Variants in RABGGTB observed in about 807,000 individuals in gnomAD.
The protein encoded by RABGGTB is Rab geranylgeranyltransferase subunit beta.
RABGGTB carries 20 observed loss-of-function variants against 44.5 expected under a neutral mutation model. The ratio of observed to expected loss-of-function variants is 0.45; its 90% confidence interval spans 0.32 to 0.65. The LOEUF is 0.65. Among genes scored for constraint, RABGGTB ranks in the 30% least tolerant of loss-of-function variants. The pLI is 0.05. For missense variants in RABGGTB, 302 were observed against 398.7 expected, an observed-to-expected ratio of 0.76 and a Z score of 2.06; for synonymous variants, 128 against 136.7, an observed-to-expected ratio of 0.94 and a Z score of 0.44.
intron 4 of RABGGTB, chr1:75,790,605 C>A: frequency 1.9e-6 from 1 of 515,676 alleles, no homozygotes; most frequent in South Asian, 8.5e-5. Flanking sequence ...TCTGGGCTTT[C>A]TTTAAGCAGC....
intron 4 of RABGGTB, 75 bp from the exon 5 acceptor site, chr1:75,791,210 G>T (rs1422145843): frequency 1.6e-6 from 2 of 1,219,708 alleles, no homozygotes; most frequent in Non-Finnish European, 2.4e-6. Context: ...AGTGGTAGTT[G>T]TGCAGTGTTT....
At chr1:75,792,087 TTAAG>T in intron 6 of RABGGTB, 90 bp from the exon 7 acceptor site, 1 of 1,125,760 alleles carries the variant, frequency 8.9e-7, no homozygotes, top group Non-Finnish European at 1.3e-6. Context: ...GAAGAAAAAC[TTAAG>T]ATATAAAGTG....
intron 2 of RABGGTB, 134 bp downstream of exon 2, chr1:75,787,738 C>T (rs1436084116): frequency 2.7e-6 from 2 of 742,132 alleles, no homozygotes; most frequent in African/African-American, 3.5e-5. Context: ...TGCCTTTGAA[C>T]TTCAGTTAAG....
At chr1:75,788,026 T>C in intron 2 of RABGGTB, 1 of 454,058 alleles carries the variant, frequency 2.2e-6, no homozygotes, top group Non-Finnish European at 4.4e-6. Flanking sequence ...GGGACAATCT[T>C]AGCAAAAAGT....
Position 75,794,166 on chromosome 1 carries a change from T to C in RABGGTB, c.788T>C (p.Leu263Pro). 1 of 1,613,866 alleles carries C rather than the reference T, an allele frequency of 6.2e-7. No individual in the cohort carries two copies. The highest frequency in any genetic ancestry group is 8.5e-7 in the Non-Finnish European group (1 of 1,179,804). ...CTTCATTGGATTGATAGAGAGAAACTGCGTAATTTCATTTTAGCATGTCAA... is the reference window on the plus strand; with the variant it reads ...CTTCATTGGATTGATAGAGAGAAACCGCGTAATTTCATTTTAGCATGTCAA... ...GRLHWIDREK[L>P]RNFILACQDE... is the part of the protein sequence containing the mutation. The change falls in exon 8 of 9, where the codon CTG becomes CCG. Residue 263 changes from leucine (L) to proline (P), a missense_variant. By Grantham distance (98) the Leu-to-Pro change is moderately conservative. Around this residue, in one of 2 missense-constraint regions of RABGGTB, gnomAD observed 213 missense variants for 323.7 expected, o/e 0.66. Transcript: ENST00000319942.
intron 3 of RABGGTB, 24 bp from the exon 4 acceptor site, chr1:75,789,928 A>G (rs11588643): frequency 0.27 from 413,438 of 1,521,310 alleles, 59,092 homozygotes; most frequent in Middle Eastern, 0.33. Flanking sequence ...AGGGACATTT[A>G]CCTAATACTT....
At chr1:75,790,430 A>G in intron 4 of RABGGTB, 1 of 1,110,106 alleles carries the variant, frequency 9.0e-7, no homozygotes, top group Non-Finnish European at 1.1e-6. Context: ...ATAAACGTAG[A>G]TAATCTCTGC....
intron 7 of RABGGTB, among the ~76,000 whole-genome samples, chr1:75,792,695 A>C (rs561099179): frequency 1.4e-4 from 22 of 152,316 alleles, no homozygotes; most frequent in African/African-American, 5.3e-4. Flanking sequence ...GGTCTCTCTT[A>C]TCAGGTCTGT....
At chr1:75,788,729 A>AT (rs1404752201) in intron 2 of RABGGTB, 1 of 162,522 alleles carries the variant, frequency 6.2e-6, no homozygotes, top group East Asian at 1.7e-4. Context: ...GGGCATTTTG[A>AT]TTTTTCATGT....
At chr1:75,787,182 C>G (rs774137458) in intron 1 of RABGGTB, 8 of 588,036 alleles carry the variant, frequency 1.4e-5, no homozygotes, top group South Asian at 1.2e-4. Context: ...AAGACGAAGC[C>G]TGAATGATTT....
At chr1:75,786,203 A>G (rs532027021), upstream of RABGGTB, 58 of 1,600,036 alleles carry the variant, frequency 3.6e-5, no homozygotes, top group East Asian at 1.0e-3. Context: ...TGAGAGGCGC[A>G]TCTGCGCAGG....
intron 5 of RABGGTB, 30 bp from the exon 6 acceptor site, chr1:75,791,430 AT>A (rs1649643176): frequency 1.3e-6 from 2 of 1,588,830 alleles, no homozygotes; most frequent in Non-Finnish European, 1.7e-6. Context: ...ATACTCTGGA[AT>A]TTAACAGGCA....
chr1:75,786,478 G>A (rs1207343890), intron 1 of RABGGTB, among the ~76,000 whole-genome samples: 3 of 152,110 alleles, frequency 2.0e-5, no homozygotes, highest in East Asian at 1.9e-4. Context: ...ATTTTATCCA[G>A]GCCTTCTTCT....
chr1:75,790,317 G>T, intron 4 of RABGGTB: 1 of 1,233,304 alleles, frequency 8.1e-7, no homozygotes. Context: ...GCTTTGTAAA[G>T]TTTTTTAAAA....
chr1:75,790,534 A>G, intron 4 of RABGGTB: 1 of 957,030 alleles, frequency 1.0e-6, no homozygotes, highest in Non-Finnish European at 1.2e-6. Context: ...TTATTTCATT[A>G]TTAGAAATGG....
At chr1:75,788,917 G>T (rs909979871) in intron 2 of RABGGTB, 59 of 514,254 alleles carry the variant, frequency 1.1e-4, no homozygotes, top group Non-Finnish European at 1.9e-4. Flanking sequence ...TGTTTGTATT[G>T]TCAGCCATAG....
intron 1 of RABGGTB, chr1:75,786,733 G>C (rs1234273197): frequency 1.1e-5 from 3 of 279,374 alleles, no homozygotes; most frequent in Admixed American, 5.2e-5. Flanking sequence ...GGAAGATATA[G>C]ATACGAAAAG....
Position 75,791,573 on chromosome 1 carries a change from TA to T in RABGGTB, c.579+4del. ...GGTTCTGAATCCCATGCTGGGCAGG[TA>T]ATTTATGAATACAGATGAAAATGTA... On this transcript the variant is annotated splice_donor_region_variant and intron_variant, in intron 6 of 8. Transcript: ENST00000319942. 6.3e-7 allele frequency: 1 copy of T among 1,599,066 alleles called. No homozygotes were observed.
chr1:75,790,693 G>C (rs1278039093), intron 4 of RABGGTB, among the ~76,000 whole-genome samples: 1 of 152,120 alleles, frequency 6.6e-6, no homozygotes, highest in African/African-American at 2.4e-5. Context: ...TTGGGAGACA[G>C]TTGCTGGGGC....
Sources: allele counts gnomAD v4.1 joint callset (sites outside exome capture counted in the v4.1 genomes callset), GRCh38; gene constraint gnomAD v4.1.1; regional missense constraint gnomAD v4.1.1; transcripts MANE v1.5; gene names NCBI Gene and HGNC (gene_info 2026-07-23, HGNC 2026-07-21).